The following ADAMDEC1 variants were observed in gnomAD, a reference collection of about 807,000 sequenced individuals.
The protein encoded by ADAMDEC1 is ADAM DEC1.
A neutral mutation model predicts 60.4 loss-of-function variants in ADAMDEC1; 62 were observed. The observed-to-expected ratio is 1.03, with a 90% CI of 0.84 to 1.27. The LOEUF (loss-of-function observed/expected upper bound fraction) is 1.27. ADAMDEC1 is among the 50% of genes most tolerant of loss of function. The pLI, the probability that ADAMDEC1 is intolerant of heterozygous loss-of-function variation, is 0.00. For synonymous variants in ADAMDEC1, 210 were observed against 195.1 expected (o/e 1.08, Z -0.64); for missense variants, 595 against 565.0 (o/e 1.05, Z -0.54).
At position 24,395,801 on chromosome 8, in the gene ADAMDEC1, G is replaced by A. The variant is rs1436892292; in HGVS notation, c.440+5G>A. On this transcript the variant is annotated splice_donor_5th_base_variant and intron_variant, in intron 5 of 13. Transcript: ENST00000256412. ...CAGTACTTGTGACGGGTTGAGGTAA[G>A]AACTACCATCAAAATTACTCAAGAT... The A allele has an allele frequency of 1.2e-6, 2 of 1,607,204 alleles. No individual in the cohort carries two copies. Among genetic ancestry groups the A allele is most frequent in the African/African-American group, 1.3e-5 (1 of 74,614 alleles).
intron 8 of ADAMDEC1, 137 bp downstream of exon 8, chr8:24,398,688 A>G (rs893771914): frequency 2.2e-6 from 2 of 904,046 alleles, no homozygotes; most frequent in Non-Finnish European, 1.7e-6. Context: ...TTTTAGCAGA[A>G]CAAGCATCAA....
intron 5 of ADAMDEC1, among the ~76,000 whole-genome samples, chr8:24,396,557 G>C (rs1817619036): frequency 6.6e-6 from 1 of 152,020 alleles, no homozygotes; most frequent in South Asian, 2.1e-4. Flanking sequence ...CACAAAAGTT[G>C]ACCTCTGAGT....
In ADAMDEC1 at chr8:24,392,512, C is replaced by T. The variant is rs1563353497; in HGVS notation, c.207+132C>T. The T allele has an allele frequency of 9.9e-6, 6 of 608,208 alleles. No individual in the cohort carries two copies. The South Asian group carries it at 1.4e-4, about 14-fold the overall frequency. 37.7% of individuals were successfully genotyped at this position (608,208 alleles called of 1,614,324 possible). The stretch of plus-strand genomic sequence containing the variant: ...TATTGAAGCCCATGTATACAACTCC[C>T]CTTTGTTCAGGAGACAGCTCACAAT... On this transcript the variant is annotated intron_variant, in intron 2 of 13. Coordinates refer to ENST00000256412, the MANE Select transcript of ADAMDEC1 (RefSeq NM_014479.3).
intron 1 of ADAMDEC1, among the ~76,000 whole-genome samples, chr8:24,388,767 A>T (rs757294555): frequency 6.6e-5 from 10 of 152,194 alleles, no homozygotes; most frequent in Non-Finnish European, 1.5e-4. Context: ...ATCCACTTAG[A>T]TGCTGTTTCA....
chr8:24,389,457 C>T (rs2129357626), intron 1 of ADAMDEC1, among the ~76,000 whole-genome samples: 1 of 152,282 alleles, frequency 6.6e-6, no homozygotes, highest in Non-Finnish European at 1.5e-5. Flanking sequence ...GTCACCACCA[C>T]CTCTGTCTTA....
chr8:24,405,083 CT>C (rs1385811357), intron 13 of ADAMDEC1, among the ~76,000 whole-genome samples: 4 of 152,166 alleles, frequency 2.6e-5, no homozygotes, highest in South Asian at 2.1e-4. Flanking sequence ...AAATTCTAGT[CT>C]TTTCTGTCAG....
At chr8:24,399,589 G>T in intron 10 of ADAMDEC1, 115 bp downstream of exon 10, 1 of 905,484 alleles carries the variant, frequency 1.1e-6, no homozygotes. Context: ...AATCAAGGAA[G>T]AAATGAAACT....
At chr8:24,399,244 T>C in intron 9 of ADAMDEC1, 149 bp from the exon 10 acceptor site, 1 of 993,778 alleles carries the variant, frequency 1.0e-6, no homozygotes, top group Non-Finnish European at 1.5e-6. Context: ...CCATCTGTGG[T>C]CATAACACTA....
At chr8:24,389,158 C>A (rs1366602114) in intron 1 of ADAMDEC1, among the ~76,000 whole-genome samples, 1 of 152,114 alleles carries the variant, frequency 6.6e-6, no homozygotes, top group Admixed American at 6.6e-5. Flanking sequence ...GCCAACTTGC[C>A]AGATTAGCAT....
Position 24,397,374 on chromosome 8 carries a change from C to T in ADAMDEC1, c.545C>T (p.Pro182Leu), listed in dbSNP as rs530177943. The change falls in exon 6 of 14, where the codon CCA (proline) becomes CTA (leucine). Residue 182 changes from proline (P) to leucine (L), a missense_variant. By Grantham distance (98) the Pro-to-Leu change is moderately conservative (BLOSUM62 -3). Transcript: ENST00000256412. ...VFTSNQEEQD[P>L]ANHTCGVKST... is the part of the protein sequence containing the mutation. ...ACATCTAACCAGGAGGAACAAGACC[C>T]AGCTAACCACACATGTGGTGTGAAG... 8.1e-6 allele frequency: 13 copies of T among 1,614,054 alleles called. No homozygotes were observed. In the South Asian group the frequency reaches 1.2e-4, roughly 15 times the overall value.
chr8:24,384,481 GGACACT>G lies in ADAMDEC1; in HGVS notation c.-22_-17del. 1 of 1,564,224 alleles carries G rather than the reference GGACACT, an allele frequency of 6.4e-7. No homozygotes were observed. Among genetic ancestry groups the G allele is most frequent in the Non-Finnish European group, 8.7e-7 (1 of 1,155,348 alleles). ...AAGAGAAATTGGAGAAGATAAAACT[GGACACT>G]GGGGAGACCACAACTTCATGCTGCG... is the stretch of plus-strand genomic sequence containing the variant. On this transcript the variant is annotated 5_prime_UTR_variant, in exon 1 of 14. Transcript: ENST00000256412.
At chr8:24,396,307 G>A (rs1158696534) in intron 5 of ADAMDEC1, among the ~76,000 whole-genome samples, 1 of 152,090 alleles carries the variant, frequency 6.6e-6, no homozygotes. Flanking sequence ...TCAGAAGATT[G>A]AGACCATCCT....
chr8:24,401,975 A>T lies in ADAMDEC1; in HGVS notation c.1203A>T (p.Leu401Phe). The T allele has an allele frequency of 6.2e-7, 1 of 1,613,410 alleles. No homozygotes were observed. The highest frequency in any genetic ancestry group is 8.5e-7 in the Non-Finnish European group (1 of 1,179,632). ...GTGCACATTTTGAAAGATACCTTTT[A>T]TCTCAGAAACCAAAGTGCCTGCTGC... ...SCRAHFERYL[L>F]SQKPKCLLQA... The change falls in exon 12 of 14, where the codon TTA becomes TTT. Residue 401 changes from leucine (L) to phenylalanine (F), a missense_variant. By Grantham distance (22) the Leu-to-Phe change is conservative. Coordinates refer to ENST00000256412, the MANE Select transcript of ADAMDEC1 (RefSeq NM_014479.3).
At position 24,400,396 on chromosome 8, in the gene ADAMDEC1, G is replaced by A; in HGVS notation, c.1142+96G>A. ...TTCTCTATTGTTTAATTAAATATTA[G>A]ATCTTGTGTTGTTCCAAAACAGATT... On this transcript the variant is annotated intron_variant, in intron 11 of 13. Coordinates refer to ENST00000256412, the MANE Select transcript of ADAMDEC1 (RefSeq NM_014479.3). 8 of 1,289,534 alleles carry A rather than the reference G, an allele frequency of 6.2e-6. No homozygotes were observed. In the East Asian group the frequency reaches 2.1e-4, roughly 33 times the overall value. The allele number at this position is 1,289,534 out of a possible 1,614,324, so 79.9% of individuals were successfully genotyped here.
intron 1 of ADAMDEC1, among the ~76,000 whole-genome samples, chr8:24,388,321 C>T (rs1817348602): frequency 6.6e-6 from 1 of 152,180 alleles, no homozygotes; most frequent in Admixed American, 6.5e-5. Context: ...ACTGTCTATA[C>T]ACTTTCTCTC....
In ADAMDEC1 at chr8:24,393,215, G is replaced by C. The variant is rs1380473616; in HGVS notation, c.208-47G>C. 9 of 1,194,118 alleles carry C rather than the reference G, an allele frequency of 7.5e-6. No homozygotes were observed. In the East Asian group the frequency reaches 2.2e-4, roughly 29 times the overall value. The allele number at this position is 1,194,118 out of a possible 1,614,324, so 74.0% of individuals were successfully genotyped here. A position where few individuals can be genotyped will look rare whatever the true frequency, so the allele number is the denominator to read the frequency against. On this transcript the variant is annotated intron_variant, in intron 2 of 13. Transcript: ENST00000256412. Reference sequence around the variant, plus strand: ...ACATACTACATATATAATTATTTTAGTTATGCTCAGAAATATAAATTGCTT... The same window carrying C: ...ACATACTACATATATAATTATTTTACTTATGCTCAGAAATATAAATTGCTT...
At chr8:24,399,495 G>A in intron 10 of ADAMDEC1, 21 bp downstream of exon 10, 2 of 1,588,674 alleles carry the variant, frequency 1.3e-6, no homozygotes, top group Middle Eastern at 1.7e-4. Flanking sequence ...TTGTAGTAAG[G>A]CTCTCTGTGG....
chr8:24,399,307 C>T (rs994166004), intron 9 of ADAMDEC1, 86 bp from the exon 10 acceptor site: 96 of 1,365,400 alleles, frequency 7.0e-5, no homozygotes, highest in South Asian at 6.3e-4. Flanking sequence ...GCTAGGGCAG[C>T]GAGGCAATTC....
Position 24,405,430 on chromosome 8 carries a change from C to A in ADAMDEC1, c.*132C>A. 2 of 1,053,178 alleles carry A rather than the reference C, an allele frequency of 1.9e-6. No individual in the cohort carries two copies. The highest frequency in any genetic ancestry group is 2.9e-5 in the South Asian group (2 of 68,474). 65.2% of individuals were successfully genotyped at this position (1,053,178 alleles called of 1,614,324 possible). ...GTCATTCTACTTTCTATATTGTTAT[C>A]AGTCCAGGAAACAGGTAAACAGATG... On this transcript the variant is annotated 3_prime_UTR_variant, in exon 14 of 14. Coordinates refer to ENST00000256412, the MANE Select transcript of ADAMDEC1 (RefSeq NM_014479.3).
Sources: gnomAD v4.1 joint callset for allele counts (sites outside exome capture counted in the v4.1 genomes callset) on GRCh38, gnomAD v4.1.1 for gene constraint, MANE v1.5 for transcripts, NCBI Gene and HGNC (gene_info 2026-07-23, HGNC 2026-07-21) for gene names.